Variants in SH3RF1 observed in about 807,000 individuals in gnomAD.
SH3RF1 encodes the protein SH3 domain containing ring finger 1.
In SH3RF1, 32 loss-of-function variants were observed where a neutral mutation model predicts 74.0. That is an observed-to-expected ratio of 0.43 (90% CI 0.33 to 0.58). The LOEUF is 0.58. SH3RF1 is among the 20% of genes least tolerant of loss of function. SH3RF1 has a pLI of 0.05. For synonymous variants in SH3RF1, 396 were observed against 439.6 expected (o/e 0.90, Z 1.24); for missense variants, 954 against 1,130.9 (o/e 0.84, Z 2.24).
In SH3RF1 at chr4:169,216,074, G is replaced by A. The variant is rs1036179286; in HGVS notation, c.393+52746C>T. ...CCACCTTGGCCTCCCAAAGTGGTGG[G>A]ATTATAGGCATGAGCCACCATGCCC... On this transcript the variant is annotated intron_variant, in intron 2 of 11. Transcript: ENST00000284637. Among the ~76,000 whole-genome samples, 6 of 152,254 alleles carry A rather than the reference G, an allele frequency of 3.9e-5. No homozygotes were observed. In the East Asian group the frequency reaches 1.2e-3, roughly 29 times the overall value.
chr4:169,221,907 G>A (rs1450340022), intron 2 of SH3RF1, among the ~76,000 whole-genome samples: 1 of 152,044 alleles, frequency 6.6e-6, no homozygotes, highest in Non-Finnish European at 1.5e-5. Flanking sequence ...TTGCTTAACT[G>A]GATAGACTAA....
At chr4:169,264,276 A>G (rs1731319699) in intron 2 of SH3RF1, among the ~76,000 whole-genome samples, 1 of 152,164 alleles carries the variant, frequency 6.6e-6, no homozygotes. Flanking sequence ...GTGTCTTCAC[A>G]TGGTCTTCCC....
At chr4:169,252,689 C>T (rs1731125948) in intron 2 of SH3RF1, among the ~76,000 whole-genome samples, 1 of 152,184 alleles carries the variant, frequency 6.6e-6, no homozygotes, top group South Asian at 2.1e-4. Context: ...AGTAATGCTG[C>T]CAAGAAACGA....
chr4:169,189,390 A>C (rs542152887), intron 2 of SH3RF1, among the ~76,000 whole-genome samples: 4 of 152,360 alleles, frequency 2.6e-5, no homozygotes, highest in Admixed American at 6.5e-5. Context: ...CAAGACTGGC[A>C]GAAGTCATGG....
At chr4:169,197,624 C>CAAAAAAAAAAA (rs530886905) in intron 2 of SH3RF1, among the ~76,000 whole-genome samples, 1 of 114,126 alleles carries the variant, frequency 8.8e-6, no homozygotes, top group African/African-American at 3.4e-5. Context: ...GACTCTGTCT[C>CAAAAAAAAAAA]AAAAAAAAAA....
intron 8 of SH3RF1, among the ~76,000 whole-genome samples, chr4:169,119,506 T>G (rs116113995): frequency 2.0e-5 from 3 of 152,238 alleles, no homozygotes; most frequent in Non-Finnish European, 4.4e-5. Context: ...ATGTTTTCCT[T>G]CATTAACTTT....
intron 2 of SH3RF1, among the ~76,000 whole-genome samples, chr4:169,162,199 A>G (rs1734161174): frequency 6.6e-6 from 1 of 152,222 alleles, no homozygotes; most frequent in Non-Finnish European, 1.5e-5. Context: ...TTGTACAACA[A>G]AAAACATGTT....
At chr4:169,220,304 A>C (rs1202585661) in intron 2 of SH3RF1, 2 of 152,254 alleles carry the variant, frequency 1.3e-5, no homozygotes, top group Non-Finnish European at 2.9e-5. Context: ...CAGCTAGCTG[A>C]CACTTCACAT....
chr4:169,209,065 G>C (rs1321766529), intron 2 of SH3RF1, among the ~76,000 whole-genome samples: 1 of 152,106 alleles, frequency 6.6e-6, no homozygotes, highest in Non-Finnish European at 1.5e-5. Context: ...TGAGGAAGGT[G>C]ATCACTTGAG....
intron 2 of SH3RF1, among the ~76,000 whole-genome samples, chr4:169,230,171 C>T (rs1037125726): frequency 6.6e-6 from 1 of 152,054 alleles, no homozygotes; most frequent in African/African-American, 2.4e-5. Flanking sequence ...GCTGCTCCAG[C>T]CTGGGCCACT....
intron 2 of SH3RF1, among the ~76,000 whole-genome samples, chr4:169,230,774 T>C (rs947526346): frequency 1.3e-5 from 2 of 150,864 alleles, no homozygotes; most frequent in Middle Eastern, 3.2e-3. Flanking sequence ...GAGAATCATT[T>C]GAACCCAGGA....
intron 7 of SH3RF1, 64 bp from the exon 8 acceptor site, chr4:169,121,053 T>A: frequency 2.2e-6 from 3 of 1,360,788 alleles, no homozygotes; most frequent in Non-Finnish European, 3.1e-6. Flanking sequence ...ATGCTCAAAA[T>A]TCTTCCTTGG....
intron 5 of SH3RF1, among the ~76,000 whole-genome samples, chr4:169,133,987 T>C (rs760649747): frequency 6.6e-6 from 1 of 152,106 alleles, no homozygotes; most frequent in Non-Finnish European, 1.5e-5. Context: ...CTGATCTCCA[T>C]GGTTGGAAGA....
At chr4:169,246,513 G>A (rs576209548) in intron 2 of SH3RF1, among the ~76,000 whole-genome samples, 48 of 152,292 alleles carry the variant, frequency 3.2e-4, no homozygotes, top group Middle Eastern at 6.8e-3. Context: ...CGTGCCTAAA[G>A]GAGAAAGTAG....
chr4:169,218,441 T>C (rs1477042092), intron 2 of SH3RF1, among the ~76,000 whole-genome samples: 1 of 142,674 alleles, frequency 7.0e-6, no homozygotes, highest in East Asian at 2.0e-4. Context: ...ATATAGAATA[T>C]AATACATGTT....
In SH3RF1 at chr4:169,120,981, G is replaced by C; in HGVS notation, c.1355C>G (p.Ala452Gly). 6.2e-7 allele frequency: 1 copy of C among 1,611,972 alleles called. No individual in the cohort carries two copies. Among genetic ancestry groups the C allele is most frequent in the Middle Eastern group, 1.7e-4 (1 of 6,050 alleles). Residue 452 changes from alanine (A) to glycine (G), a missense_variant, in exon 8 of 12, where the codon GCT (alanine) becomes GGT (glycine). Ala to Gly is a moderately conservative substitution (Grantham distance 60). Transcript: ENST00000284637. The part of the protein sequence containing the change: ...RPQTRPSVYV[A>G]IYPYTPRKED... ...TTTCCGAGGAGTGTATGGATATATA[G>C]CAACATACCTAGAATAGAAAATAAT...
intron 4 of SH3RF1, among the ~76,000 whole-genome samples, chr4:169,142,938 T>TA (rs11376269): frequency 0.56 from 84,398 of 152,044 alleles, 25,312 homozygotes; most frequent in East Asian, 0.7. Flanking sequence ...GACCTAAATA[T>TA]AAAAGCAAGC....
intron 2 of SH3RF1, among the ~76,000 whole-genome samples, chr4:169,156,983 T>C (rs1164293519): frequency 6.6e-6 from 1 of 152,210 alleles, no homozygotes; most frequent in Non-Finnish European, 1.5e-5. Flanking sequence ...TATGAAAGCA[T>C]GACTGCCAGG....
chr4:169,236,261 T>C (rs1024049204), intron 2 of SH3RF1, among the ~76,000 whole-genome samples: 1 of 152,234 alleles, frequency 6.6e-6, no homozygotes, highest in Admixed American at 6.5e-5. Context: ...AAGTAAAACA[T>C]GTCACTTCCA....
Sources: gnomAD v4.1 joint callset for allele counts (sites outside exome capture counted in the v4.1 genomes callset) on GRCh38, gnomAD v4.1.1 for gene constraint, MANE v1.5 for transcripts, NCBI Gene and HGNC (gene_info 2026-07-23, HGNC 2026-07-21) for gene names.